Variants in PTPRD observed in about 807,000 individuals in gnomAD.
PTPRD encodes receptor-type tyrosine-protein phosphatase delta.
In PTPRD, 34 loss-of-function variants were observed where a neutral mutation model predicts 214.5. That is an observed-to-expected ratio of 0.16 (90% CI 0.12 to 0.21). PTPRD has a LOEUF of 0.21. Ranked by LOEUF, PTPRD falls within the 10% of genes least tolerant of loss-of-function variation. The pLI, the probability that PTPRD is intolerant of heterozygous loss-of-function variation, is 1.00. For synonymous variants in PTPRD, 1,128 were observed against 845.7 expected, an observed-to-expected ratio of 1.33 and a Z score of -5.79; for missense variants, 2,545 against 2,398.7, an observed-to-expected ratio of 1.06 and a Z score of -1.27.
intron 7 of PTPRD, among the ~76,000 whole-genome samples, chr9:9,713,888 C>T (rs906038958): frequency 1.3e-5 from 2 of 151,932 alleles, no homozygotes; most frequent in Non-Finnish European, 2.9e-5. Flanking sequence ...TGTCTTTCTC[C>T]AAACTTATGT....
chr9:8,792,722 A>G (rs758858157), intron 11 of PTPRD, among the ~76,000 whole-genome samples: 1 of 152,166 alleles, frequency 6.6e-6, no homozygotes, highest in Non-Finnish European at 1.5e-5. Flanking sequence ...TATTGATAGA[A>G]GAAGACGCAA....
chr9:9,302,539 TC>T (rs1440526967), intron 9 of PTPRD, among the ~76,000 whole-genome samples: 1 of 151,008 alleles, frequency 6.6e-6, no homozygotes. Flanking sequence ...TTCCCCACTC[TC>T]CCACTTTTCA....
In PTPRD at chr9:8,404,567, G is replaced by A. The variant is rs2092778871; in HGVS notation, c.4180C>T (p.His1394Tyr). 1.2e-6 allele frequency: 2 copies of A among 1,613,308 alleles called. No individual in the cohort carries two copies. The highest frequency in any genetic ancestry group is 1.7e-6 in the Non-Finnish European group (2 of 1,179,390). ...ATAGCTGATAGGAGAACCCGGGAAT[G>A]ATCATATGCGATTACATTCGCGTAT... ...NRYANVIAYD[H>Y]SRVLLSAIEG... is the part of the protein sequence containing the mutation. The change falls in exon 36 of 46, where the codon CAT (histidine) becomes TAT (tyrosine). Residue 1394 changes from histidine (H) to tyrosine (Y), a missense_variant. Transcript: ENST00000381196.
At chr9:9,923,855 C>T (rs967658344) in intron 5 of PTPRD, among the ~76,000 whole-genome samples, 5 of 151,642 alleles carry the variant, frequency 3.3e-5, no homozygotes, top group Admixed American at 1.3e-4. Flanking sequence ...GAATGAAGTG[C>T]GATCTAGGAA....
chr9:10,039,475 T>C (rs1037733149), intron 3 of PTPRD, among the ~76,000 whole-genome samples: 6 of 152,098 alleles, frequency 3.9e-5, no homozygotes, highest in Admixed American at 6.6e-5. Context: ...ACAATAGAAG[T>C]TGCAATTAAA....
intron 9 of PTPRD, among the ~76,000 whole-genome samples, chr9:9,342,026 C>T (rs2047003908): frequency 6.6e-6 from 1 of 152,082 alleles, no homozygotes; most frequent in East Asian, 1.9e-4. Context: ...TCAGGATGAT[C>T]TCAAACTCCT....
At chr9:10,312,957 T>A (rs2096309075) in intron 3 of PTPRD, among the ~76,000 whole-genome samples, 1 of 151,930 alleles carries the variant, frequency 6.6e-6, no homozygotes, top group Non-Finnish European at 1.5e-5. Context: ...AACAAACCCA[T>A]CCTTTAGTCT....
intron 4 of PTPRD, among the ~76,000 whole-genome samples, chr9:9,991,675 CT>C (rs1214625294): frequency 6.6e-6 from 1 of 152,060 alleles, no homozygotes. Context: ...CCAAAATATA[CT>C]TTTAAAACAG....
rs545403718 is a variant in PTPRD, at chr9:9,488,995, A to G, written c.-237+85737T>C. On this transcript the variant is annotated intron_variant, in intron 8 of 45. Coordinates refer to ENST00000381196, the MANE Select transcript of PTPRD (RefSeq NM_002839.4). The stretch of plus-strand genomic sequence containing the variant: ...GGCAGGAGGCCATTATTGTTGCACT[A>G]CTCACTATTGTTATAAGGCCCTCAC... 2.4e-4 allele frequency among the ~76,000 whole-genome samples: 36 copies of G among 152,180 alleles called. No individual in the cohort carries two copies. The South Asian group carries it at 5.8e-3, about 25-fold the overall frequency.
chr9:9,520,706 A>T (rs1200382569), intron 8 of PTPRD, among the ~76,000 whole-genome samples: 4 of 152,178 alleles, frequency 2.6e-5, no homozygotes. Context: ...AACCTTTTAT[A>T]AGCAAACAAC....
intron 9 of PTPRD, among the ~76,000 whole-genome samples, chr9:9,286,611 T>C (rs901669182): frequency 6.6e-6 from 1 of 151,528 alleles, no homozygotes; most frequent in Non-Finnish European, 1.5e-5. Context: ...AAATAAAACA[T>C]GCTCTATAGA....
chr9:8,820,605 C>G (rs920029958), intron 11 of PTPRD, among the ~76,000 whole-genome samples: 8 of 152,106 alleles, frequency 5.3e-5, no homozygotes, highest in Admixed American at 4.6e-4. Flanking sequence ...AAGTTCAACT[C>G]TTGTTAAACC....
chr9:9,449,667 C>G (rs961715942), intron 8 of PTPRD, among the ~76,000 whole-genome samples: 1 of 151,970 alleles, frequency 6.6e-6, no homozygotes, highest in South Asian at 2.1e-4. Flanking sequence ...TGTCTAGAAA[C>G]TTATGGCTAA....
chr9:9,400,878 T>A (rs2070120154), intron 8 of PTPRD, among the ~76,000 whole-genome samples: 1 of 152,076 alleles, frequency 6.6e-6, no homozygotes, highest in African/African-American at 2.4e-5. Context: ...ACCTTTAGAA[T>A]TACCCATCCA....
At chr9:8,417,600 G>A (rs1038787638) in intron 35 of PTPRD, among the ~76,000 whole-genome samples, 1 of 152,100 alleles carries the variant, frequency 6.6e-6, no homozygotes, top group Non-Finnish European at 1.5e-5. Context: ...GAACTGCATT[G>A]CTTAACTACA....
At position 8,465,656 on chromosome 9, in the gene PTPRD, C is replaced by A. The variant is rs747058765; in HGVS notation, c.3524G>T (p.Arg1175Met). ...CCCATAACGGATGCTTCTGCGCTTC[C>A]TAGATATCTCCTTAAGCAGCTTAAG... is the stretch of plus-strand genomic sequence containing the variant. ...ELDELLKEIS[R>M]KRRSIRYGRE... is the part of the protein sequence containing the mutation. The change falls in exon 32 of 46, where the codon AGG becomes ATG. Residue 1175 changes from arginine to methionine, a missense_variant. Arg to Met is a moderately conservative substitution (Grantham distance 91). Transcript: ENST00000381196. The A allele has an allele frequency of 3.1e-6, 5 of 1,611,446 alleles. No homozygotes were observed. The Admixed American group carries it at 8.4e-5, about 27-fold the overall frequency.
rs577223487 is a variant in PTPRD at position 9,291,869 on chromosome 9, G to GTA, written c.-203+105578_-203+105579dup. Among the ~76,000 whole-genome samples, 762 of 148,524 alleles carry GTA rather than the reference G, an allele frequency of 5.1e-3. 6 individuals carry two copies. Among genetic ancestry groups the GTA allele is most frequent in the African/African-American group, 0.018 (723 of 40,946 alleles). ...GTGTATATGTGTGTGTGTAATATGT[G>GTA]TATATATATGTGTGTATGGTATATA... On this transcript the variant is annotated intron_variant, in intron 9 of 45. Transcript: ENST00000381196.
chr9:9,290,414 T>A (rs1391469350), intron 9 of PTPRD, among the ~76,000 whole-genome samples: 1 of 151,676 alleles, frequency 6.6e-6, no homozygotes, highest in East Asian at 1.9e-4. Flanking sequence ...GTTGCCTTTT[T>A]ATGTTGTTAA....
At chr9:10,403,833 G>A (rs2098315707) in intron 2 of PTPRD, among the ~76,000 whole-genome samples, 2 of 151,700 alleles carry the variant, frequency 1.3e-5, no homozygotes, top group South Asian at 4.1e-4. Context: ...GTGGTTCTCA[G>A]TGATTAGGAC....
Sources: allele counts gnomAD v4.1 joint callset (sites outside exome capture counted in the v4.1 genomes callset), GRCh38; gene constraint gnomAD v4.1.1; transcripts MANE v1.5; gene names NCBI Gene and HGNC (gene_info 2026-07-23, HGNC 2026-07-21).